The following SETX variants were observed in gnomAD, a reference collection of about 807,000 sequenced individuals.
The protein encoded by SETX is senataxin.
A neutral mutation model predicts 227.2 loss-of-function variants in SETX; 90 were observed. That is an observed-to-expected ratio of 0.40 (90% CI 0.33 to 0.47). SETX has a LOEUF of 0.47. SETX is among the 20% of genes least tolerant of loss of function. The pLI, the probability that SETX is intolerant of heterozygous loss-of-function variation, is 0.91. For synonymous variants in SETX, 1,210 were observed against 1,113.2 expected, an observed-to-expected ratio of 1.09 and a Z score of -1.73; for missense variants, 3,052 against 3,181.5, an observed-to-expected ratio of 0.96 and a Z score of 0.98.
At chr9:132,344,630 T>C (rs1299542301) in intron 4 of SETX, among the ~76,000 whole-genome samples, 1 of 152,202 alleles carries the variant, frequency 6.6e-6, no homozygotes, top group Non-Finnish European at 1.5e-5. Flanking sequence ...ATCTCAGCAC[T>C]TTAGGAGGCC....
intron 15 of SETX, 88 bp downstream of exon 15, chr9:132,295,784 C>T (rs575339581): frequency 5.8e-5 from 70 of 1,199,948 alleles, no homozygotes; most frequent in Middle Eastern, 5.3e-4. Flanking sequence ...ATTACCAGGA[C>T]TGGCCTGCTC....
intron 25 of SETX, among the ~76,000 whole-genome samples, chr9:132,265,816 G>A (rs548515683): frequency 6.6e-6 from 1 of 152,014 alleles, no homozygotes; most frequent in South Asian, 2.1e-4. Flanking sequence ...GGAAGGTCTG[G>A]TTTCAGAAAG....
At chr9:132,295,338 A>T (rs920249481) in intron 15 of SETX, among the ~76,000 whole-genome samples, 1 of 152,214 alleles carries the variant, frequency 6.6e-6, no homozygotes, top group Admixed American at 6.5e-5. Flanking sequence ...CAGTGACTGT[A>T]AACAATGACT....
In SETX at chr9:132,263,238, G is replaced by A. The variant is rs772976603; in HGVS notation, c.*1001C>T. ...ATATTCTATTTGGCCTGCCCCAGTG[G>A]TTCCCAAGCTGCCTGGTGATCAGAA... On this transcript the variant is annotated 3_prime_UTR_variant, in exon 26 of 26. Coordinates refer to ENST00000224140, the MANE Select transcript of SETX (RefSeq NM_015046.7). The A allele has an allele frequency of 1.3e-5, 2 of 152,178 alleles. No homozygotes were observed. The highest frequency in any genetic ancestry group is 2.9e-5 in the Non-Finnish European group (2 of 68,038). 9.4% of individuals were successfully genotyped at this position (152,178 alleles called of 1,614,324 possible). A position where few individuals can be genotyped will look rare whatever the true frequency, so the allele number is the denominator to read the frequency against.
upstream of SETX, among the ~76,000 whole-genome samples, chr9:132,356,207 C>T (rs1183766): frequency 0.8 from 121,533 of 151,620 alleles, 49,194 homozygotes; most frequent in Non-Finnish European, 0.86. Flanking sequence ...CTATCCCCCC[C>T]CTTTTTTGTT....
chr9:132,328,677 A>C lies in SETX; in HGVS notation c.2921T>G (p.Ile974Ser), dbSNP rs765768857. 6.2e-7 allele frequency: 1 copy of C among 1,613,772 alleles called. No homozygotes were observed. ...CTGAGGTGAATCGGATGGGAACGTAATAACACTGGCTTGAGCTAGTAAAGA... is the reference window on the plus strand; with the variant it reads ...CTGAGGTGAATCGGATGGGAACGTACTAACACTGGCTTGAGCTAGTAAAGA... The part of the protein sequence containing the change: ...KLSLLAQASV[I>S]TFPSDSPQNS... The change falls in exon 10 of 26, where the codon ATT becomes AGT. Residue 974 changes from isoleucine (I) to serine (S), a missense_variant. By Grantham distance (142) the Ile-to-Ser change is moderately radical. Transcript: ENST00000224140.
In SETX at chr9:132,262,498, G is replaced by C. The variant is rs1842449617; in HGVS notation, c.*1741C>G. Reference sequence around the variant, plus strand: ...AGAGCCCTTGACCCAGACAGAATGGGACCCATCCCTACCCGTCCTGAACTG... The same window carrying C: ...AGAGCCCTTGACCCAGACAGAATGGCACCCATCCCTACCCGTCCTGAACTG... On this transcript the variant is annotated 3_prime_UTR_variant, in exon 26 of 26. Transcript: ENST00000224140. 1 of 152,228 alleles carries C rather than the reference G, an allele frequency of 6.6e-6. No individual in the cohort carries two copies. The highest frequency in any genetic ancestry group is 2.1e-4 in the South Asian group (1 of 4,824). 9.4% of individuals were successfully genotyped at this position (152,228 alleles called of 1,614,324 possible). A position where few individuals can be genotyped will look rare whatever the true frequency, so the allele number is the denominator to read the frequency against.
chr9:132,291,157 ACC>A (rs1287290633), intron 15 of SETX, among the ~76,000 whole-genome samples: 25 of 137,376 alleles, frequency 1.8e-4, no homozygotes, highest in African/African-American at 6.8e-4. Context: ...GGGTTTGAAA[ACC>A]TTTTTTTTTT....
rs139553658 is a variant in SETX, at chr9:132,347,743, T to C, written c.178-1272A>G. Among the ~76,000 whole-genome samples, 48 of 152,186 alleles carry C rather than the reference T, an allele frequency of 3.2e-4. No individual in the cohort carries two copies. The South Asian group carries it at 3.5e-3, about 11-fold the overall frequency. The stretch of plus-strand genomic sequence containing the variant: ...CGAGGCCCTTCTATGTCTTCCCTTC[T>C]ATGTTCTAGCCATAGCTAACTACCT... On this transcript the variant is annotated intron_variant, in intron 3 of 25. Coordinates refer to ENST00000224140, the MANE Select transcript of SETX (RefSeq NM_015046.7).
chr9:132,320,486 C>T (rs1011274500), intron 10 of SETX, among the ~76,000 whole-genome samples: 4 of 149,860 alleles, frequency 2.7e-5, no homozygotes, highest in African/African-American at 9.9e-5. Flanking sequence ...CCCAGCTACT[C>T]GGGAGGTTGA....
intron 10 of SETX, among the ~76,000 whole-genome samples, chr9:132,312,688 C>T (rs1375702347): frequency 1.3e-5 from 2 of 152,154 alleles, no homozygotes; most frequent in Non-Finnish European, 2.9e-5. Flanking sequence ...GTGTTATCTG[C>T]TAGTAAGGTC....
chr9:132,310,473 T>A (rs915459005), intron 11 of SETX, among the ~76,000 whole-genome samples: 1 of 152,206 alleles, frequency 6.6e-6, no homozygotes, highest in African/African-American at 2.4e-5. Flanking sequence ...ATTCATAACA[T>A]GCTGTGCAGA....
chr9:132,346,924 C>T (rs546592348), intron 3 of SETX, among the ~76,000 whole-genome samples: 2 of 152,074 alleles, frequency 1.3e-5, no homozygotes, highest in Non-Finnish European at 2.9e-5. Context: ...CACTGTACTC[C>T]AGTCTGGATG....
intron 22 of SETX, among the ~76,000 whole-genome samples, chr9:132,276,457 G>T (rs540716460): frequency 1.3e-5 from 2 of 152,298 alleles, no homozygotes; most frequent in South Asian, 4.1e-4. Context: ...CCATGATGTA[G>T]AAGTGGGATT....
chr9:132,288,447 A>G (rs1844062699), intron 16 of SETX, 96 bp from the exon 17 acceptor site: 5 of 1,398,470 alleles, frequency 3.6e-6, no homozygotes, highest in African/African-American at 2.9e-5. Flanking sequence ...TAGTTCCCAA[A>G]GCCAGACTAA....
intron 5 of SETX, among the ~76,000 whole-genome samples, chr9:132,338,617 T>A (rs1437605385): frequency 1.3e-5 from 2 of 152,210 alleles, no homozygotes; most frequent in African/African-American, 2.4e-5. Flanking sequence ...CATTGTGGTC[T>A]TATTATTTCC....
Position 132,328,518 on chromosome 9 carries a change from A to G in SETX, c.3080T>C (p.Ile1027Thr). ...SDSDDDDDER[I>T]LSLEKLTKQD... ...TTTAGTGAGTTTCTCAAGACTCAGG[A>G]TTCTTTCATCATCATCATCATCAGA... The change falls in exon 10 of 26, where the codon ATC (isoleucine) becomes ACC (threonine). Residue 1027 changes from isoleucine to threonine, a missense_variant. Ile to Thr is a moderately conservative substitution (Grantham distance 89). Transcript: ENST00000224140. The G allele has an allele frequency of 1.2e-6, 2 of 1,613,938 alleles. No homozygotes were observed. Among genetic ancestry groups the G allele is most frequent in the Non-Finnish European group, 8.5e-7 (1 of 1,180,002 alleles).
chr9:132,288,716 T>G (rs1371757015), intron 15 of SETX, 65 bp from the exon 16 acceptor site: 1 of 1,011,582 alleles, frequency 9.9e-7, no homozygotes, highest in East Asian at 2.4e-5. Flanking sequence ...TCTCTATACA[T>G]AGTATCTATA....
intron 10 of SETX, among the ~76,000 whole-genome samples, chr9:132,322,904 G>A (rs1048941673): frequency 5.3e-5 from 8 of 151,980 alleles, no homozygotes; most frequent in Non-Finnish European, 1.0e-4. Context: ...ACTATTCAGA[G>A]AACAAGAGTT....
Sources: allele counts gnomAD v4.1 joint callset (sites outside exome capture counted in the v4.1 genomes callset), GRCh38; gene constraint gnomAD v4.1.1; transcripts MANE v1.5; gene names NCBI Gene and HGNC (gene_info 2026-07-23, HGNC 2026-07-21).